The following CHCHD6 variants were observed in gnomAD, a reference collection of about 807,000 sequenced individuals.
CHCHD6 encodes coiled-coil-helix-coiled-coil-helix domain containing 6, also known as MICOS complex subunit MIC25.
In CHCHD6, 28 loss-of-function variants were observed where a neutral mutation model predicts 32.3. The ratio of observed to expected loss-of-function variants is 0.87; its 90% confidence interval spans 0.64 to 1.19. The LOEUF is 1.19. Among genes scored for constraint, CHCHD6 ranks in the 50% most tolerant of loss-of-function variants. The pLI is 0.00. For synonymous variants in CHCHD6, 122 were observed against 117.5 expected, an observed-to-expected ratio of 1.04 and a Z score of -0.25; for missense variants, 333 against 307.0, an observed-to-expected ratio of 1.08 and a Z score of -0.63.
intron 4 of CHCHD6, among the ~76,000 whole-genome samples, chr3:126,734,582 T>C (rs555783224): frequency 5.9e-5 from 9 of 152,334 alleles, no homozygotes; most frequent in African/African-American, 1.9e-4. Context: ...ATACAAACAA[T>C]GTAGGATCCT....
rs114897049 is a variant in CHCHD6 at position 126,952,899 on chromosome 3, C to T, written c.567-4517C>T. ...GCTCTGGGAGTCAGGCAGACCTATG[C>T]GGCCTGCTTGCCAGGGACCAGGACC... On this transcript the variant is annotated intron_variant, in intron 6 of 7. Transcript: ENST00000290913. The T allele has an allele frequency of 5.4e-3, 4,735 of 878,294 alleles. 186 individuals are homozygous for T. In the African/African-American group the frequency reaches 0.079, roughly 15 times the overall value. 54.4% of individuals were successfully genotyped at this position (878,294 alleles called of 1,614,324 possible). A position where few individuals can be genotyped will look rare whatever the true frequency, so the allele number is the denominator to read the frequency against.
intron 4 of CHCHD6, among the ~76,000 whole-genome samples, chr3:126,795,247 G>GT (rs1326090702): frequency 6.6e-6 from 1 of 152,080 alleles, no homozygotes. Flanking sequence ...TTTATAAGGT[G>GT]TTTTCCCTAA....
chr3:126,861,873 C>T (rs1175974293), intron 5 of CHCHD6, among the ~76,000 whole-genome samples: 3 of 103,252 alleles, frequency 2.9e-5, no homozygotes, highest in Non-Finnish European at 4.1e-5. Flanking sequence ...CCACCTCCCC[C>T]TCCTCCACCA....
intron 6 of CHCHD6, among the ~76,000 whole-genome samples, chr3:126,947,225 C>T (rs1351996930): frequency 1.3e-5 from 2 of 152,210 alleles, no homozygotes; most frequent in African/African-American, 4.8e-5. Flanking sequence ...AGGACGCTTC[C>T]GCTCACTTCT....
chr3:126,776,479 G>A (rs1415239863), intron 4 of CHCHD6, among the ~76,000 whole-genome samples: 1 of 152,280 alleles, frequency 6.6e-6, no homozygotes, highest in Non-Finnish European at 1.5e-5. Flanking sequence ...CCTGTGACCA[G>A]TCCTGCACAC....
At chr3:126,873,463 A>T (rs1341452525) in intron 5 of CHCHD6, among the ~76,000 whole-genome samples, 1 of 152,214 alleles carries the variant, frequency 6.6e-6, no homozygotes, top group Admixed American at 6.5e-5. Flanking sequence ...CTGAGGTCAG[A>T]AATACTCCAA....
intron 1 of CHCHD6, among the ~76,000 whole-genome samples, chr3:126,707,799 C>G (rs1576320122): frequency 6.6e-6 from 1 of 152,230 alleles, no homozygotes; most frequent in Admixed American, 6.5e-5. Flanking sequence ...AGAGAGTCCC[C>G]CATTGTGCCA....
At chr3:126,850,458 G>A (rs1356081832) in intron 4 of CHCHD6, among the ~76,000 whole-genome samples, 6 of 152,176 alleles carry the variant, frequency 3.9e-5, no homozygotes, top group Non-Finnish European at 7.3e-5. Flanking sequence ...TTAGTCCTGC[G>A]TCCCATTCAT....
intron 6 of CHCHD6, among the ~76,000 whole-genome samples, chr3:126,919,621 ATT>A (rs35228420): frequency 8.6e-5 from 11 of 127,188 alleles, no homozygotes; most frequent in African/African-American, 1.8e-4. Context: ...GCTGGCCTTC[ATT>A]TTTTTTTTTT....
intron 4 of CHCHD6, among the ~76,000 whole-genome samples, chr3:126,790,250 C>T (rs181742957): frequency 6.6e-6 from 1 of 151,238 alleles, no homozygotes; most frequent in African/African-American, 2.5e-5. Context: ...TCTGGCTGAC[C>T]TTAACATTTT....
At chr3:126,720,183 A>G (rs963018291) in intron 1 of CHCHD6, among the ~76,000 whole-genome samples, 1 of 152,140 alleles carries the variant, frequency 6.6e-6, no homozygotes, top group Non-Finnish European at 1.5e-5. Flanking sequence ...CACCCAGCCA[A>G]GAGTCTTTTG....
intron 4 of CHCHD6, among the ~76,000 whole-genome samples, chr3:126,734,020 C>T (rs544205641): frequency 6.6e-6 from 1 of 152,286 alleles, no homozygotes; most frequent in African/African-American, 2.4e-5. Context: ...CCCCACAAGT[C>T]CCATGCAGAC....
At chr3:126,798,236 G>A (rs573911430) in intron 4 of CHCHD6, among the ~76,000 whole-genome samples, 11 of 152,198 alleles carry the variant, frequency 7.2e-5, no homozygotes, top group East Asian at 3.9e-4. Context: ...TGAGATCTCC[G>A]CTTCATCTCC....
rs140900963 is a variant in CHCHD6, at chr3:126,822,475, A to G, written c.412-30172A>G. ...CACACTGTCTTGATTACTGGACTTT[A>G]TAGTAAGGCTTGAAATCAAGAGATG... On this transcript the variant is annotated intron_variant, in intron 4 of 7. Coordinates refer to ENST00000290913, the MANE Select transcript of CHCHD6 (RefSeq NM_032343.3). Among the ~76,000 whole-genome samples, 63 of 152,308 alleles carry G rather than the reference A, an allele frequency of 4.1e-4. No individual in the cohort carries two copies. In the East Asian group the frequency reaches 0.012, roughly 29 times the overall value.
intron 5 of CHCHD6, among the ~76,000 whole-genome samples, chr3:126,898,184 C>G (rs1425031514): frequency 6.6e-6 from 1 of 152,252 alleles, no homozygotes; most frequent in African/African-American, 2.4e-5. Flanking sequence ...CCTGGACTGT[C>G]CTTCCAAAGT....
intron 4 of CHCHD6, among the ~76,000 whole-genome samples, chr3:126,754,121 A>C (rs1213910184): frequency 1.3e-5 from 2 of 152,216 alleles, no homozygotes; most frequent in Non-Finnish European, 2.9e-5. Context: ...AGTTCTTTGG[A>C]TCACAGTCTG....
intron 4 of CHCHD6, among the ~76,000 whole-genome samples, chr3:126,843,968 A>G (rs915045466): frequency 6.6e-6 from 1 of 152,156 alleles, no homozygotes; most frequent in Non-Finnish European, 1.5e-5. Flanking sequence ...GTCTATTTTT[A>G]GGAACTACTT....
chr3:126,815,443 C>G (rs1939844632), intron 4 of CHCHD6, among the ~76,000 whole-genome samples: 1 of 152,168 alleles, frequency 6.6e-6, no homozygotes, highest in Non-Finnish European at 1.5e-5. Context: ...CCTAGTGTGC[C>G]CTTGTGGATC....
intron 5 of CHCHD6, among the ~76,000 whole-genome samples, chr3:126,863,803 A>G (rs1180530885): frequency 1.4e-5 from 2 of 138,644 alleles, no homozygotes; most frequent in African/African-American, 5.5e-5. Context: ...CTCCTCCTCT[A>G]CCATCATCAC....
Sources: allele counts gnomAD v4.1 joint callset (sites outside exome capture counted in the v4.1 genomes callset), GRCh38; gene constraint gnomAD v4.1.1; transcripts MANE v1.5; gene names NCBI Gene and HGNC (gene_info 2026-07-23, HGNC 2026-07-21).